LRBA: variants seen among roughly 807,000 people sequenced by gnomAD.
LRBA encodes LPS responsive beige-like anchor protein.
LRBA carries 176 observed loss-of-function variants against 330.0 expected under a neutral mutation model. That is an observed-to-expected ratio of 0.53 (90% CI 0.47 to 0.60). The LOEUF (loss-of-function observed/expected upper bound fraction) is 0.60. LRBA is among the 20% of genes least tolerant of loss of function. The probability of loss-of-function intolerance (pLI) is 0.00; values close to 1 mark genes in which losing one functional copy is unlikely to be tolerated. For synonymous variants in LRBA, 1,230 were observed against 1,193.0 expected (o/e 1.03, Z -0.64); for missense variants, 3,259 against 3,444.8 (o/e 0.95, Z 1.35).
chr4:150,511,375 T>A (rs954197042), intron 40 of LRBA, among the ~76,000 whole-genome samples: 1 of 152,224 alleles, frequency 6.6e-6, no homozygotes, highest in Non-Finnish European at 1.5e-5. Context: ...CTGCTTTTAG[T>A]CATATAGGGT....
At chr4:150,995,466 TAAA>T (rs1345237968) in intron 2 of LRBA, among the ~76,000 whole-genome samples, 2 of 150,308 alleles carry the variant, frequency 1.3e-5, no homozygotes, top group Non-Finnish European at 3.0e-5. Context: ...TTTAAGGAAA[TAAA>T]AGAGATATAG....
intron 53 of LRBA, among the ~76,000 whole-genome samples, chr4:150,292,473 A>G (rs1261759636): frequency 6.6e-6 from 1 of 152,192 alleles, no homozygotes; most frequent in African/African-American, 2.4e-5. Flanking sequence ...CATTTTCTCA[A>G]TACCATCTAT....
At chr4:150,875,022 C>T (rs994290073) in intron 17 of LRBA, among the ~76,000 whole-genome samples, 2 of 152,000 alleles carry the variant, frequency 1.3e-5, no homozygotes, top group Non-Finnish European at 2.9e-5. Context: ...GTCACCTCAC[C>T]CCTCTGTGCA....
intron 37 of LRBA, among the ~76,000 whole-genome samples, chr4:150,624,267 C>T (rs901619517): frequency 2.0e-5 from 3 of 149,396 alleles, no homozygotes; most frequent in Non-Finnish European, 3.0e-5. Flanking sequence ...CAGTCATTCA[C>T]TGCCTTTCCT....
At chr4:150,836,662 T>A (rs183109178) in intron 28 of LRBA, among the ~76,000 whole-genome samples, 99 of 152,314 alleles carry the variant, frequency 6.5e-4, no homozygotes, top group African/African-American at 2.1e-3. Context: ...CATTTTATAT[T>A]GAGTCATTCG....
At chr4:150,340,807 G>C (rs1215386881) in intron 48 of LRBA, among the ~76,000 whole-genome samples, 1 of 152,102 alleles carries the variant, frequency 6.6e-6, no homozygotes, top group African/African-American at 2.4e-5. Context: ...ACTTACAAAG[G>C]CCTTCCCCTT....
intron 48 of LRBA, among the ~76,000 whole-genome samples, chr4:150,338,030 G>C (rs1734975556): frequency 6.6e-6 from 1 of 152,140 alleles, no homozygotes; most frequent in African/African-American, 2.4e-5. Context: ...CTGCTGTCAT[G>C]AAACTGGGGT....
At chr4:150,830,610 A>C (rs1747027036) in intron 29 of LRBA, among the ~76,000 whole-genome samples, 1 of 152,116 alleles carries the variant, frequency 6.6e-6, no homozygotes, top group East Asian at 1.9e-4. Flanking sequence ...ATCCAAATCT[A>C]ACTCAAGAAA....
intron 22 of LRBA, among the ~76,000 whole-genome samples, chr4:150,860,118 A>C (rs535277086): frequency 4.3e-4 from 66 of 152,296 alleles, no homozygotes; most frequent in African/African-American, 1.6e-3. Context: ...AATTCCAAAA[A>C]ACTTAACAGC....
chr4:150,490,987 T>C lies in LRBA; in HGVS notation c.6379A>G (p.Ile2127Val), dbSNP rs111979768. The change falls in exon 41 of 57, where the codon ATA becomes GTA. Residue 2127 changes from isoleucine to valine, a missense_variant. Physicochemically the swap from Ile to Val is conservative, Grantham distance 29. Coordinates refer to ENST00000651943, the MANE Select transcript of LRBA (RefSeq NM_001364905.1). ...TAACGACGAGAAAAGATTGATCGTA[T>C]CTCTGTGAACAGCCATTTTCCATGC... ...GLHGKWLFTE[I>V]RSIFSRRYLL... 6.2e-7 allele frequency: 1 copy of C among 1,609,628 alleles called. No individual in the cohort carries two copies. Among genetic ancestry groups the C allele is most frequent in the Non-Finnish European group, 8.5e-7 (1 of 1,177,242 alleles).
intron 48 of LRBA, among the ~76,000 whole-genome samples, chr4:150,335,200 T>C (rs1734499581): frequency 1.3e-5 from 2 of 151,946 alleles, no homozygotes; most frequent in Non-Finnish European, 2.9e-5. Flanking sequence ...AGAAAGTTAT[T>C]ATAGCACTCT....
intron 37 of LRBA, among the ~76,000 whole-genome samples, chr4:150,630,047 C>T (rs1329100960): frequency 6.6e-6 from 1 of 152,156 alleles, no homozygotes; most frequent in African/African-American, 2.4e-5. Flanking sequence ...ATCATGTTGA[C>T]ACAGTTATCC....
chr4:150,421,202 T>C (rs1581258190), intron 46 of LRBA, among the ~76,000 whole-genome samples: 2 of 135,890 alleles, frequency 1.5e-5, no homozygotes, highest in Admixed American at 1.6e-4. Flanking sequence ...ACATATATAA[T>C]ATATAAAGTA....
intron 33 of LRBA, among the ~76,000 whole-genome samples, chr4:150,799,944 C>T (rs1028160073): frequency 6.6e-6 from 1 of 152,138 alleles, no homozygotes; most frequent in African/African-American, 2.4e-5. Flanking sequence ...GGAGTTTCAC[C>T]ATGTTGGCCA....
In LRBA at chr4:150,905,977, T is replaced by A. The variant is rs763592299; in HGVS notation, c.1616A>T (p.His539Leu). ...GYSLEKSSKS[H>L]VSRAVLELCL... ...AAGTTCAAGTACTGCTCTGCTAACA[T>A]GAGATTTGGAAGACTGCAAAAAAAG... Residue 539 changes from histidine to leucine, a missense_variant, in exon 13 of 57, where the codon CAT (histidine) becomes CTT (leucine). By Grantham distance (99) the His-to-Leu change is moderately conservative. Coordinates refer to ENST00000651943, the MANE Select transcript of LRBA (RefSeq NM_001364905.1). 1 of 1,612,920 alleles carries A rather than the reference T, an allele frequency of 6.2e-7. No homozygotes were observed.
At chr4:150,981,391 C>G (rs1490679049) in intron 2 of LRBA, among the ~76,000 whole-genome samples, 1 of 135,572 alleles carries the variant, frequency 7.4e-6, no homozygotes, top group African/African-American at 2.8e-5. Flanking sequence ...CCAGCCTCGG[C>G]GACGGAGTGA....
Position 150,852,944 on chromosome 4 carries a change from C to G in LRBA, c.2767-1G>C. The G allele has an allele frequency of 6.5e-7, 1 of 1,539,850 alleles. No individual in the cohort carries two copies. The highest frequency in any genetic ancestry group is 8.7e-7 in the Non-Finnish European group (1 of 1,145,192). ...TTTCTTTGTGTATTTCAAAAGTGAC[C>G]TAGGTGAAAAATGTACAATCAGTTA... On this transcript the variant is annotated splice_acceptor_variant, in intron 22 of 56. Transcript: ENST00000651943. LOFTEE classifies it high-confidence loss of function.
chr4:150,507,905 T>G (rs1214841262), intron 40 of LRBA, among the ~76,000 whole-genome samples: 4 of 152,058 alleles, frequency 2.6e-5, no homozygotes, highest in Admixed American at 2.0e-4. Flanking sequence ...CCATAAAAAA[T>G]GATGAGTTCA....
intron 34 of LRBA, among the ~76,000 whole-genome samples, chr4:150,787,636 C>G (rs542805753): frequency 6.6e-6 from 1 of 152,244 alleles, no homozygotes; most frequent in East Asian, 1.9e-4. Context: ...GTATCCATCC[C>G]CTCAAGCGTT....
Sources: allele counts gnomAD v4.1 joint callset (sites outside exome capture counted in the v4.1 genomes callset), GRCh38; gene constraint gnomAD v4.1.1; transcripts MANE v1.5; gene names NCBI Gene and HGNC (gene_info 2026-07-23, HGNC 2026-07-21).